MAF: variants seen among roughly 807,000 people sequenced by gnomAD.
The protein encoded by MAF is MAF bZIP transcription factor.
Under a neutral mutation model 22.0 loss-of-function variants are expected in MAF, and 10 were observed. That is an observed-to-expected ratio of 0.45 (90% confidence interval 0.28 to 0.77). The LOEUF is 0.77. Ranked by LOEUF, MAF falls within the 30% of genes least tolerant of loss-of-function variation. The pLI, the probability that MAF is intolerant of heterozygous loss-of-function variation, is 0.12. For synonymous variants in MAF, 337 were observed against 255.8 expected (o/e 1.32, Z -3.03); for missense variants, 544 against 548.4 (o/e 0.99, Z 0.08).
chr16:79,482,149 A>G, the MAF span, among the ~76,000 whole-genome samples: 1 of 152,182 alleles, frequency 6.6e-6, no homozygotes. Flanking sequence ...GACTCAACTG[A>G]CTTCAGTTTT....
chr16:79,446,480 T>C, the MAF span, among the ~76,000 whole-genome samples: 3 of 152,138 alleles, frequency 2.0e-5, no homozygotes, highest in African/African-American at 7.2e-5. Flanking sequence ...GTTTGGGTGA[T>C]AAATTACATA....
chr16:79,456,703 G>A, the MAF span, among the ~76,000 whole-genome samples: 2 of 152,142 alleles, frequency 1.3e-5, no homozygotes, highest in Non-Finnish European at 2.9e-5. Context: ...ACCTGAGTGT[G>A]CCTACCCAGT....
At chr16:79,456,633 A>G in the MAF span, among the ~76,000 whole-genome samples, 1 of 152,142 alleles carries the variant, frequency 6.6e-6, no homozygotes, top group Non-Finnish European at 1.5e-5. Flanking sequence ...GTTCTTTACA[A>G]CTGTAAGCTA....
At chr16:79,306,263 C>A in the MAF span, among the ~76,000 whole-genome samples, 228 of 152,316 alleles carry the variant, frequency 1.5e-3, 3 homozygotes, top group African/African-American at 5.4e-3. Flanking sequence ...GTGTGATGCA[C>A]ATGGCCATTT....
At chr16:79,529,865 G>A in the MAF span, among the ~76,000 whole-genome samples, 16 of 152,004 alleles carry the variant, frequency 1.1e-4, 1 homozygote, top group African/African-American at 3.6e-4. Flanking sequence ...GAAGGCTGAG[G>A]CAGGAGAATC....
intron 1 of MAF, chr16:79,594,949 T>C (rs1240497867): frequency 5.4e-6 from 6 of 1,102,314 alleles, no homozygotes; most frequent in Non-Finnish European, 5.6e-6. Context: ...CACAACTATA[T>C]TTTCCTTCCA....
At chr16:79,298,025 C>G in the MAF span, among the ~76,000 whole-genome samples, 1 of 152,150 alleles carries the variant, frequency 6.6e-6, no homozygotes, top group Non-Finnish European at 1.5e-5. Context: ...AGGTCCAGTG[C>G]GGAATGAAAA....
chr16:79,386,491 G>C, the MAF span, among the ~76,000 whole-genome samples: 1 of 152,104 alleles, frequency 6.6e-6, no homozygotes, highest in Admixed American at 6.5e-5. Flanking sequence ...ATGGGGAGTG[G>C]CTGTAAACAC....
chr16:79,290,722 A>G, the MAF span, among the ~76,000 whole-genome samples: 1 of 152,056 alleles, frequency 6.6e-6, no homozygotes, highest in Admixed American at 6.6e-5. Flanking sequence ...ACAGCTTCCA[A>G]TGATGCCTCA....
chr16:79,368,960 T>A, the MAF span, among the ~76,000 whole-genome samples: 1 of 152,224 alleles, frequency 6.6e-6, no homozygotes, highest in African/African-American at 2.4e-5. Flanking sequence ...TTTTTGTTGT[T>A]TTGCTGTCTC....
the MAF span, among the ~76,000 whole-genome samples, chr16:79,331,869 A>G: frequency 6.6e-6 from 1 of 152,142 alleles, no homozygotes; most frequent in Non-Finnish European, 1.5e-5. Context: ...TCTCTGCTCT[A>G]AGCATGTCCT....
the MAF span, among the ~76,000 whole-genome samples, chr16:79,293,735 G>A: frequency 6.6e-5 from 10 of 152,102 alleles, no homozygotes; most frequent in East Asian, 1.9e-4. Context: ...TGTCTGTGAA[G>A]GGGAAAGGCA....
the MAF span, among the ~76,000 whole-genome samples, chr16:79,299,554 CAG>C: frequency 2.0e-5 from 3 of 151,972 alleles, no homozygotes; most frequent in Admixed American, 1.3e-4. Flanking sequence ...ACTTTTTTTT[CAG>C]AGTTATTTCC....
chr16:79,333,326 C>T, the MAF span, among the ~76,000 whole-genome samples: 8 of 152,192 alleles, frequency 5.3e-5, no homozygotes, highest in East Asian at 1.2e-3. Context: ...GTGGGTTAAT[C>T]GGAATCCTAC....
chr16:79,272,821 C>T, the MAF span, among the ~76,000 whole-genome samples: 14 of 152,290 alleles, frequency 9.2e-5, no homozygotes, highest in South Asian at 2.7e-3. Flanking sequence ...CTGTCCTCCA[C>T]GTTGACCTGA....
At chr16:79,454,717 G>A in the MAF span, among the ~76,000 whole-genome samples, 2 of 151,834 alleles carry the variant, frequency 1.3e-5, no homozygotes, top group Non-Finnish European at 2.9e-5. Context: ...CTCTGAGTTT[G>A]GTCAATTCAG....
the MAF span, among the ~76,000 whole-genome samples, chr16:79,468,792 G>A: frequency 6.6e-6 from 1 of 152,204 alleles, no homozygotes; most frequent in Admixed American, 6.5e-5. Flanking sequence ...AGAGAAGCCA[G>A]AGAAGCTCCA....
chr16:79,299,726 A>C, the MAF span, among the ~76,000 whole-genome samples: 1 of 152,236 alleles, frequency 6.6e-6, no homozygotes. Flanking sequence ...ATTCTAATGC[A>C]ATGCTTTTCG....
the MAF span, chr16:79,211,668 G>GGGAT: frequency 1.2e-6 from 2 of 1,614,212 alleles, no homozygotes; most frequent in Admixed American, 1.7e-5. Flanking sequence ...GGGTCTGGGA[G>GGGAT]GGATGTACTT....
Sources: gnomAD v4.1 joint callset for allele counts (sites outside exome capture counted in the v4.1 genomes callset) on GRCh38, gnomAD v4.1.1 for gene constraint, MANE v1.5 for transcripts, NCBI Gene and HGNC (gene_info 2026-07-23, HGNC 2026-07-21) for gene names.